Variants in RNF10 observed in about 807,000 individuals in gnomAD.
RNF10 encodes the protein E3 ubiquitin-protein ligase RNF10.
RNF10 carries 38 observed loss-of-function variants against 91.4 expected under a neutral mutation model. The observed-to-expected ratio is 0.42, with a 90% confidence interval of 0.32 to 0.54. RNF10 has a LOEUF of 0.54. Ranked by LOEUF, RNF10 falls within the 20% of genes least tolerant of loss-of-function variation. The pLI, the probability that RNF10 is intolerant of heterozygous loss-of-function variation, is 0.16. For synonymous variants in RNF10, 364 were observed against 366.3 expected, an observed-to-expected ratio of 0.99 and a Z score of 0.07; for missense variants, 945 against 1,012.0, an observed-to-expected ratio of 0.93 and a Z score of 0.90.
intron 13 of RNF10, among the ~76,000 whole-genome samples, chr12:120,567,967 AGAATT>A (rs143322499): frequency 0.15 from 23,297 of 151,786 alleles, 2,144 homozygotes; most frequent in African/African-American, 0.27. Context: ...TGTATAGAAA[AGAATT>A]GAAGGCCAGG....
At chr12:120,576,488 CT>C in intron 16 of RNF10, 101 bp from the exon 17 acceptor site, 1 of 1,488,974 alleles carries the variant, frequency 6.7e-7, no homozygotes, top group Non-Finnish European at 8.9e-7. Flanking sequence ...ATTCCAGAGC[CT>C]CCACTCTTAG....
intron 14 of RNF10, 72 bp from the exon 15 acceptor site, chr12:120,575,559 C>T: frequency 1.9e-6 from 3 of 1,541,584 alleles, no homozygotes; most frequent in Non-Finnish European, 2.7e-6. Flanking sequence ...TCCAGTTAGT[C>T]AAGGTAGGTC....
intron 1 of RNF10, among the ~76,000 whole-genome samples, chr12:120,535,240 C>T (rs1870576299): frequency 6.6e-6 from 1 of 152,152 alleles, no homozygotes; most frequent in Non-Finnish European, 1.5e-5. Flanking sequence ...GTAAGGTCAC[C>T]CAGCTAGTAT....
At chr12:120,539,386 G>T (rs1459207782) in intron 1 of RNF10, 1 of 1,288,240 alleles carries the variant, frequency 7.8e-7, no homozygotes, top group South Asian at 1.2e-5. Context: ...ATTTCAGCTG[G>T]ATTCAATTTG....
intron 2 of RNF10, among the ~76,000 whole-genome samples, chr12:120,549,954 C>T (rs1022697922): frequency 3.9e-5 from 6 of 151,990 alleles, no homozygotes; most frequent in Non-Finnish European, 5.9e-5. Flanking sequence ...GAGTGTATTC[C>T]GGTCTGGACA....
rs934103297 is a variant in RNF10 at position 120,577,202 on chromosome 12, C to T, written c.*536C>T. ...AATTGCAGTTTTTTTTTTTCTGACACATGGCCAGGCTGTGGTGCCAGCTTA... is the reference window on the plus strand; with the variant it reads ...AATTGCAGTTTTTTTTTTTCTGACATATGGCCAGGCTGTGGTGCCAGCTTA... On this transcript the variant is annotated 3_prime_UTR_variant, in exon 17 of 17. Transcript: ENST00000325954. 8 of 453,252 alleles carry T rather than the reference C, an allele frequency of 1.8e-5. No homozygotes were observed. The highest frequency in any genetic ancestry group is 9.5e-5 in the Admixed American group (4 of 42,160). The allele number at this position is 453,252 out of a possible 1,614,324, so 28.1% of individuals were successfully genotyped here. A position where few individuals can be genotyped will look rare whatever the true frequency, so the allele number is the denominator to read the frequency against.
At chr12:120,544,043 T>A (rs745337476) in intron 1 of RNF10, among the ~76,000 whole-genome samples, 3 of 150,724 alleles carry the variant, frequency 2.0e-5, no homozygotes, top group Non-Finnish European at 3.0e-5. Flanking sequence ...GCCTGGCCAA[T>A]GTGGCGAAAC....
rs202229670 is a variant in RNF10 at position 120,544,502 on chromosome 12, C to A, written c.158-1903C>A. 1.1e-4 allele frequency among the ~76,000 whole-genome samples: 16 copies of A among 151,944 alleles called. No homozygotes were observed. The East Asian group carries it at 1.7e-3, about 16-fold the overall frequency. ...GCAAACCTCGTCTCTACAAAAAACACAAAAATCAGCTGGACATGGTGGTGA... is the reference window on the plus strand; with the variant it reads ...GCAAACCTCGTCTCTACAAAAAACAAAAAAATCAGCTGGACATGGTGGTGA... On this transcript the variant is annotated intron_variant, in intron 1 of 16. Coordinates refer to ENST00000325954, the MANE Select transcript of RNF10 (RefSeq NM_014868.5).
chr12:120,562,975 G>A lies in RNF10; in HGVS notation c.1159G>A (p.Gly387Arg), dbSNP rs116727495. ...GGAAGAGGCTCTGTCGGGATTGGCCGGAAGCAGAAGGGAGGTCACTGGTGT... is the reference window on the plus strand; with the variant it reads ...GGAAGAGGCTCTGTCGGGATTGGCCAGAAGCAGAAGGGAGGTCACTGGTGT... ...TREEALSGLA[G>R]SRREVTGVVA... The change falls in exon 8 of 17, where the codon GGA becomes AGA. Residue 387 changes from glycine to arginine, a missense_variant. Physicochemically the swap from Gly to Arg is moderately radical, Grantham distance 125 (BLOSUM62 -2). Transcript: ENST00000325954. 1.0e-3 allele frequency: 1,644 copies of A among 1,614,040 alleles called. 14 individuals carry two copies. The African/African-American group carries it at 0.018, about 18-fold the overall frequency.
In RNF10 at chr12:120,576,906, T is replaced by G; in HGVS notation, c.*240T>G. 2.1e-6 allele frequency: 1 copy of G among 469,616 alleles called. No homozygotes were observed. The highest frequency in any genetic ancestry group is 3.8e-6 in the Non-Finnish European group (1 of 264,134). 29.1% of individuals were successfully genotyped at this position (469,616 alleles called of 1,614,324 possible). On this transcript the variant is annotated 3_prime_UTR_variant, in exon 17 of 17. Transcript: ENST00000325954. Reference sequence around the variant, plus strand: ...ACAAGAGATCTCTTCCTGCCAAGGTTTTTAGTTCATTGCCAGTTTAGTCTT... The same window carrying G: ...ACAAGAGATCTCTTCCTGCCAAGGTGTTTAGTTCATTGCCAGTTTAGTCTT...
chr12:120,571,416 C>G, intron 14 of RNF10, 125 bp downstream of exon 14: 1 of 723,118 alleles, frequency 1.4e-6, no homozygotes, highest in Middle Eastern at 3.1e-4. Context: ...ATTGAGTCAT[C>G]TGATGGGTAG....
At chr12:120,563,254 T>C in intron 8 of RNF10, 93 bp from the exon 9 acceptor site, 1 of 1,499,222 alleles carries the variant, frequency 6.7e-7, no homozygotes, top group Non-Finnish European at 9.1e-7. Flanking sequence ...AAGATAAACA[T>C]CTAGGGAGCT....
intron 14 of RNF10, chr12:120,574,491 A>T (rs1002849364): frequency 2.2e-6 from 1 of 455,982 alleles, no homozygotes; most frequent in Non-Finnish European, 4.4e-6. Flanking sequence ...CTGTGGTTGG[A>T]TCTGAAAGTT....
At position 120,551,312 on chromosome 12, in the gene RNF10, TG is replaced by T. The variant is rs1188466402; in HGVS notation, c.355-1186del. On this transcript the variant is annotated intron_variant, in intron 2 of 16. Transcript: ENST00000325954. ...AGTGTTTTTTTTTTTTTTTTTTTTT[TG>T]AAATGGAGTTTTGCTCTTGATGCCA... Among the ~76,000 whole-genome samples the T allele has an allele frequency of 5.0e-4, 73 of 146,378 alleles. 1 individual carries two copies. The Middle Eastern group carries it at 0.014, about 28-fold the overall frequency.
intron 2 of RNF10, among the ~76,000 whole-genome samples, chr12:120,548,284 A>G (rs1259483311): frequency 6.6e-6 from 1 of 152,226 alleles, no homozygotes; most frequent in African/African-American, 2.4e-5. Flanking sequence ...GTCAGCATAC[A>G]GTTGGTGCTT....
At chr12:120,564,265 T>C (rs189382081) in intron 10 of RNF10, among the ~76,000 whole-genome samples, 3 of 152,336 alleles carry the variant, frequency 2.0e-5, no homozygotes, top group Admixed American at 6.5e-5. Flanking sequence ...ATGTCACAAA[T>C]TTGTTGTAAG....
intron 3 of RNF10, among the ~76,000 whole-genome samples, chr12:120,554,154 C>T (rs945990210): frequency 6.6e-6 from 1 of 152,046 alleles, no homozygotes; most frequent in Non-Finnish European, 1.5e-5. Flanking sequence ...ATTCACCTGC[C>T]TCGGCCTCCC....
At chr12:120,565,652 T>G in intron 12 of RNF10, 123 bp downstream of exon 12, 1 of 738,474 alleles carries the variant, frequency 1.4e-6, no homozygotes, top group South Asian at 1.7e-5. Context: ...ATGTGAATCA[T>G]GAGAGCACCT....
chr12:120,568,478 T>TC (rs1395470183), intron 13 of RNF10, among the ~76,000 whole-genome samples: 13 of 131,756 alleles, frequency 9.9e-5, no homozygotes, highest in Non-Finnish European at 1.9e-4. Context: ...TTTATTAATT[T>TC]CTTTTTTTTT....
Sources: allele counts gnomAD v4.1 joint callset (sites outside exome capture counted in the v4.1 genomes callset), GRCh38; gene constraint gnomAD v4.1.1; transcripts MANE v1.5; gene names NCBI Gene and HGNC (gene_info 2026-07-23, HGNC 2026-07-21).